Variants in CDC42SE2 observed in about 807,000 individuals in gnomAD.
CDC42SE2 encodes the protein CDC42 small effector protein 2.
In CDC42SE2, 3 loss-of-function variants were observed where a neutral mutation model predicts 11.5. The ratio of observed to expected loss-of-function variants is 0.26; its 90% CI spans 0.12 to 0.67. The LOEUF is 0.67. Ranked by LOEUF, CDC42SE2 falls within the 30% of genes least tolerant of loss-of-function variation. The pLI, the probability that CDC42SE2 is intolerant of heterozygous loss-of-function variation, is 0.80. For synonymous variants in CDC42SE2, 33 were observed against 34.8 expected (o/e 0.95, Z 0.18); for missense variants, 82 against 106.8 (o/e 0.77, Z 1.02).
upstream of CDC42SE2, chr5:131,264,044 G>T (rs1279893936): frequency 6.6e-6 from 1 of 151,938 alleles, no homozygotes; most frequent in Non-Finnish European, 1.5e-5. Flanking sequence ...TGGGCGGGGA[G>T]GGGGAGCCAG....
chr5:131,356,716 C>G (rs1185471181), intron 2 of CDC42SE2, among the ~76,000 whole-genome samples: 1 of 152,084 alleles, frequency 6.6e-6, no homozygotes, highest in Non-Finnish European at 1.5e-5. Context: ...TGAGCTCAGC[C>G]TGGGCAAAAC....
At chr5:131,344,878 C>A (rs1758801258) in intron 2 of CDC42SE2, among the ~76,000 whole-genome samples, 1 of 152,174 alleles carries the variant, frequency 6.6e-6, no homozygotes. Flanking sequence ...TGGTGATAAC[C>A]AGGCAAACGA....
intron 1 of CDC42SE2, among the ~76,000 whole-genome samples, chr5:131,278,718 T>TCC (rs1333170511): frequency 1.5e-4 from 5 of 32,884 alleles, no homozygotes; most frequent in African/African-American, 7.0e-4. Context: ...TCCTCTCCCC[T>TCC]CCCCTCCCCC....
rs1001598875 is a variant in CDC42SE2 at position 131,393,833 on chromosome 5, T to A, written c.*2742T>A. 1 of 145,654 alleles carries A rather than the reference T, an allele frequency of 6.9e-6. No homozygotes were observed. Among genetic ancestry groups the A allele is most frequent in the African/African-American group, 2.6e-5 (1 of 38,866 alleles). 9.0% of individuals were successfully genotyped at this position (145,654 alleles called of 1,614,324 possible). ...CAAATCGCTGTTTTTTTTTTTTTTT[T>A]TTTTTTTTTTGCTGCTCCAACGACC... On this transcript the variant is annotated 3_prime_UTR_variant, in exon 5 of 5. Transcript: ENST00000505065.
At chr5:131,329,636 T>C (rs1190146350) in intron 2 of CDC42SE2, among the ~76,000 whole-genome samples, 2 of 151,946 alleles carry the variant, frequency 1.3e-5, no homozygotes. Flanking sequence ...CCTAGCACTG[T>C]GGGAGGCCTA....
chr5:131,282,375 T>C (rs772806300), intron 1 of CDC42SE2, among the ~76,000 whole-genome samples: 8 of 152,334 alleles, frequency 5.3e-5, no homozygotes, highest in Admixed American at 3.9e-4. Flanking sequence ...GTTTCTCTTA[T>C]CAGATTTAAG....
chr5:131,308,315 G>A (rs1757822886), intron 1 of CDC42SE2, among the ~76,000 whole-genome samples: 1 of 151,834 alleles, frequency 6.6e-6, no homozygotes, highest in South Asian at 2.1e-4. Flanking sequence ...TCTCTGTTTT[G>A]GTACCAGTAC....
chr5:131,227,105 A>G, the CDC42SE2 span, among the ~76,000 whole-genome samples: 1 of 152,192 alleles, frequency 6.6e-6, no homozygotes, highest in Admixed American at 6.5e-5. Context: ...ATGACATTTT[A>G]AAAGAAATTA....
chr5:131,275,732 C>T (rs1366944343), intron 1 of CDC42SE2, among the ~76,000 whole-genome samples: 1 of 151,988 alleles, frequency 6.6e-6, no homozygotes, highest in East Asian at 1.9e-4. Flanking sequence ...GTTACTGTTA[C>T]TGAGATAGCT....
chr5:131,381,409 C>T (rs1048923275), intron 3 of CDC42SE2, among the ~76,000 whole-genome samples: 9 of 151,954 alleles, frequency 5.9e-5, no homozygotes, highest in Admixed American at 1.3e-4. Flanking sequence ...CTGCAACCTC[C>T]GCCTCCTGGG....
intron 1 of CDC42SE2, among the ~76,000 whole-genome samples, chr5:131,267,383 A>G (rs961950261): frequency 1.3e-4 from 20 of 152,092 alleles, no homozygotes; most frequent in African/African-American, 4.6e-4. Flanking sequence ...TACCTTAAAA[A>G]TACTAGTGTT....
At chr5:131,337,760 C>G (rs1258534079) in intron 2 of CDC42SE2, among the ~76,000 whole-genome samples, 1 of 152,230 alleles carries the variant, frequency 6.6e-6, no homozygotes, top group Non-Finnish European at 1.5e-5. Flanking sequence ...GGGTAGGACC[C>G]TCTGAGCCAT....
chr5:131,346,264 A>T (rs908166777), intron 2 of CDC42SE2, among the ~76,000 whole-genome samples: 1 of 152,158 alleles, frequency 6.6e-6, no homozygotes, highest in African/African-American at 2.4e-5. Context: ...ACCCATCTCA[A>T]GTGCAGAGAC....
At chr5:131,234,032 C>T in the CDC42SE2 span, among the ~76,000 whole-genome samples, 1 of 151,966 alleles carries the variant, frequency 6.6e-6, no homozygotes, top group African/African-American at 2.4e-5. Context: ...AAATCTGGCA[C>T]TAGATTATTA....
chr5:131,342,562 G>T (rs1281875046), intron 2 of CDC42SE2, among the ~76,000 whole-genome samples: 1 of 151,212 alleles, frequency 6.6e-6, no homozygotes, highest in Non-Finnish European at 1.5e-5. Context: ...CTAACTTTTT[G>T]TATTTTTAGT....
the CDC42SE2 span, among the ~76,000 whole-genome samples, chr5:131,211,126 C>T: frequency 4.6e-5 from 7 of 152,120 alleles, no homozygotes; most frequent in African/African-American, 1.4e-4. Context: ...TGTGAGCCAC[C>T]GCGCCCTGCC....
chr5:131,372,811 A>G (rs950603714), intron 3 of CDC42SE2, among the ~76,000 whole-genome samples: 10 of 152,220 alleles, frequency 6.6e-5, no homozygotes, highest in Non-Finnish European at 1.0e-4. Flanking sequence ...GAATCCCTGC[A>G]AATGAGAATA....
intron 1 of CDC42SE2, among the ~76,000 whole-genome samples, chr5:131,284,417 A>T (rs561525987): frequency 1.4e-3 from 207 of 152,334 alleles, no homozygotes; most frequent in Non-Finnish European, 2.0e-3. Context: ...CTAAAGTAGG[A>T]TACAAAATTG....
At chr5:131,307,418 A>G (rs914208323) in intron 1 of CDC42SE2, among the ~76,000 whole-genome samples, 8 of 152,036 alleles carry the variant, frequency 5.3e-5, no homozygotes, top group Non-Finnish European at 1.0e-4. Context: ...ATGGCTGCAT[A>G]GTATTCCGTG....
Sources: gnomAD v4.1 joint callset for allele counts (sites outside exome capture counted in the v4.1 genomes callset) on GRCh38, gnomAD v4.1.1 for gene constraint, MANE v1.5 for transcripts, NCBI Gene and HGNC (gene_info 2026-07-23, HGNC 2026-07-21) for gene names.